SECISBP2: variants seen among roughly 807,000 people sequenced by gnomAD.
SECISBP2 encodes the protein selenocysteine insertion sequence-binding protein 2.
In SECISBP2, 96 loss-of-function variants were observed where a neutral mutation model predicts 98.2. The observed-to-expected ratio is 0.98, with a 90% CI of 0.83 to 1.16. SECISBP2 has a LOEUF of 1.16. Ranked by LOEUF, SECISBP2 falls within the 50% of genes most tolerant of loss-of-function variation. The probability of loss-of-function intolerance (pLI) is 0.00; values close to 1 mark genes in which losing one functional copy is unlikely to be tolerated. For synonymous variants in SECISBP2, 407 were observed against 370.2 expected (o/e 1.10, Z -1.14); for missense variants, 1,046 against 1,022.9 (o/e 1.02, Z -0.31).
intron 2 of SECISBP2, chr9:89,324,575 C>A (rs1043506064): frequency 3.9e-5 from 6 of 152,216 alleles, no homozygotes; most frequent in African/African-American, 1.4e-4. Flanking sequence ...TGCTTATGCT[C>A]ATATCTCCTG....
rs770282037 is a variant in SECISBP2 at position 89,358,141 on chromosome 9, C to T, written c.2411C>T (p.Pro804Leu). 1.7e-5 allele frequency: 27 copies of T among 1,613,716 alleles called. No homozygotes were observed. The highest frequency in any genetic ancestry group is 1.9e-5 in the Non-Finnish European group (23 of 1,179,936). The change falls in exon 16 of 17, where the codon CCT becomes CTT. Residue 804 changes from proline (P) to leucine (L), a missense_variant. Physicochemically the swap from Pro to Leu is moderately conservative, Grantham distance 98 (BLOSUM62 -3). Coordinates refer to ENST00000375807, the MANE Select transcript of SECISBP2 (RefSeq NM_024077.5). ...PSLPTQGPSC[P>L]AEDGPPALKE... is the part of the protein sequence containing the mutation. ...CTACCCACACAGGGCCCCAGCTGCC[C>T]TGCAGAAGATGGCCCCCCAGCCCTG...
intron 5 of SECISBP2, 131 bp from the exon 6 acceptor site, chr9:89,332,777 A>G: frequency 2.7e-6 from 2 of 745,138 alleles, no homozygotes; most frequent in Non-Finnish European, 2.4e-6. Context: ...AAGTGGCTGT[A>G]ACGTTTTTCA....
the SECISBP2 span, chr9:89,365,035 G>A: frequency 6.6e-6 from 1 of 152,326 alleles, no homozygotes; most frequent in Non-Finnish European, 1.5e-5. Context: ...CCCTCCAGGG[G>A]CTGCTGGCCA....
intron 14 of SECISBP2, 52 bp from the exon 15 acceptor site, chr9:89,357,359 C>T: frequency 6.2e-7 from 1 of 1,608,708 alleles, no homozygotes; most frequent in East Asian, 2.2e-5. Flanking sequence ...AGTATTAACA[C>T]CACACTCCAT....
chr9:89,364,069 A>G (rs1442870741), downstream of SECISBP2: 12 of 1,589,214 alleles, frequency 7.6e-6, no homozygotes, highest in Non-Finnish European at 1.0e-5. Context: ...GACTTGGGAC[A>G]ACTTCCAATT....
intron 6 of SECISBP2, among the ~76,000 whole-genome samples, chr9:89,333,790 CAG>C (rs764971337): frequency 6.6e-6 from 1 of 152,212 alleles, no homozygotes; most frequent in Non-Finnish European, 1.5e-5. Context: ...CTTGTCCTAA[CAG>C]AGACATTTTT....
chr9:89,326,012 T>C lies in SECISBP2; in HGVS notation c.548T>C (p.Ile183Thr), dbSNP rs1248354881. Residue 183 changes from isoleucine (I) to threonine (T), a missense_variant, in exon 4 of 17, where the codon ATT (isoleucine) becomes ACT (threonine). Transcript: ENST00000375807. Reference protein sequence around the residue: ...KSARGSHHLSIYAENSLKSDG... With the variant: ...KSARGSHHLSTYAENSLKSDG... The stretch of plus-strand genomic sequence containing the variant: ...GCTAGAGGTTCACATCATTTGTCCA[T>C]TTACGCTGAGAATAGTTTGAAATCA... 1.2e-5 allele frequency: 19 copies of C among 1,613,544 alleles called. No individual in the cohort carries two copies. Among genetic ancestry groups the C allele is most frequent in the Non-Finnish European group, 1.6e-5 (19 of 1,180,032 alleles).
At chr9:89,327,561 T>G (rs1826955168) in intron 4 of SECISBP2, among the ~76,000 whole-genome samples, 1 of 152,166 alleles carries the variant, frequency 6.6e-6, no homozygotes, top group Admixed American at 6.5e-5. Flanking sequence ...TATTAATTTT[T>G]TTTTAACTTT....
intron 14 of SECISBP2, among the ~76,000 whole-genome samples, chr9:89,353,534 AC>A (rs1306511110): frequency 1.3e-5 from 2 of 151,956 alleles, no homozygotes; most frequent in East Asian, 3.9e-4. Context: ...AGCCCTCTTC[AC>A]CTGTGCCTCA....
intron 7 of SECISBP2, among the ~76,000 whole-genome samples, chr9:89,337,614 A>G (rs1360744012): frequency 6.6e-6 from 1 of 152,222 alleles, no homozygotes; most frequent in Non-Finnish European, 1.5e-5. Flanking sequence ...TTTCACTTAG[A>G]AAAACATCAT....
chr9:89,320,139 C>G (rs1197015615), intron 2 of SECISBP2, among the ~76,000 whole-genome samples: 1 of 151,944 alleles, frequency 6.6e-6, no homozygotes, highest in Non-Finnish European at 1.5e-5. Context: ...GGTGGATCAC[C>G]TGAGGTCAGG....
intron 10 of SECISBP2, among the ~76,000 whole-genome samples, chr9:89,343,993 C>T (rs1246560601): frequency 6.6e-6 from 1 of 152,166 alleles, no homozygotes; most frequent in East Asian, 1.9e-4. Flanking sequence ...GCAACCTCGC[C>T]AGCTTCGTTG....
intron 14 of SECISBP2, among the ~76,000 whole-genome samples, chr9:89,352,200 G>T (rs775945826): frequency 6.6e-6 from 1 of 152,134 alleles, no homozygotes; most frequent in Non-Finnish European, 1.5e-5. Flanking sequence ...GAAACCTCAT[G>T]CCCTCAGCCA....
At chr9:89,321,145 A>C (rs1310162267) in intron 2 of SECISBP2, among the ~76,000 whole-genome samples, 1 of 152,204 alleles carries the variant, frequency 6.6e-6, no homozygotes, top group Non-Finnish European at 1.5e-5. Context: ...TCCACTGTAA[A>C]GGGGAGTTTG....
intron 4 of SECISBP2, 125 bp from the exon 5 acceptor site, chr9:89,328,535 C>T (rs987383538): frequency 2.0e-5 from 15 of 733,838 alleles, no homozygotes; most frequent in Admixed American, 8.1e-5. Context: ...GTAAGAGTTA[C>T]GGTGTTTTGA....
At chr9:89,345,141 G>A (rs1477759927) in intron 10 of SECISBP2, among the ~76,000 whole-genome samples, 6 of 152,194 alleles carry the variant, frequency 3.9e-5, no homozygotes, top group Admixed American at 1.3e-4. Context: ...CTTGTTGACC[G>A]CCCCATAGCT....
rs1426622669 is a variant in SECISBP2 at position 89,338,484 on chromosome 9, T to C, written c.1116T>C (p.Leu372=). The change falls in exon 8 of 17, where the codon CTT becomes CTC. Residue 372 remains leucine (L), a synonymous_variant. Coordinates refer to ENST00000375807, the MANE Select transcript of SECISBP2 (RefSeq NM_024077.5). ...CTAAAGCATCACAAGGTAGTGACCT[T>C]GAACAAAATGAAGCCTCAAGAAAGA... ...QKSKASQGSD[L]EQNEASRKNK... The C allele has an allele frequency of 1.2e-6, 2 of 1,613,490 alleles. No homozygotes were observed. Among genetic ancestry groups the C allele is most frequent in the East Asian group, 2.2e-5 (1 of 44,852 alleles).
intron 5 of SECISBP2, 128 bp downstream of exon 5, chr9:89,329,014 A>C: frequency 1.3e-6 from 1 of 779,650 alleles, no homozygotes; most frequent in South Asian, 1.6e-5. Context: ...GTATTGGGGG[A>C]AGCCTTTCAT....
chr9:89,362,104 G>C, downstream of SECISBP2: 1 of 559,126 alleles, frequency 1.8e-6, no homozygotes, highest in Non-Finnish European at 3.2e-6. Context: ...TTCACGAGCA[G>C]CTATCAAAGC....
Sources: gnomAD v4.1 joint callset for allele counts (sites outside exome capture counted in the v4.1 genomes callset) on GRCh38, gnomAD v4.1.1 for gene constraint, MANE v1.5 for transcripts, NCBI Gene and HGNC (gene_info 2026-07-23, HGNC 2026-07-21) for gene names.